Variants in TAFA4 observed in about 807,000 individuals in gnomAD.
TAFA4 encodes TAFA chemokine like family member 4.
TAFA4 carries 20 observed loss-of-function variants against 21.1 expected under a neutral mutation model. The ratio of observed to expected loss-of-function variants is 0.95; its 90% CI spans 0.67 to 1.38. The LOEUF (loss-of-function observed/expected upper bound fraction) is 1.38. TAFA4 is among the 40% of genes most tolerant of loss of function. TAFA4 has a pLI of 0.00. For synonymous variants in TAFA4, 71 were observed against 67.4 expected, an observed-to-expected ratio of 1.05 and a Z score of -0.26; for missense variants, 211 against 180.9, an observed-to-expected ratio of 1.17 and a Z score of -0.95.
chr3:68,901,642 T>C (rs1004536575), intron 1 of TAFA4, among the ~76,000 whole-genome samples: 3 of 152,216 alleles, frequency 2.0e-5, no homozygotes, highest in Non-Finnish European at 4.4e-5. Flanking sequence ...AATATTGTCA[T>C]ATTGGACAGT....
intron 3 of TAFA4, among the ~76,000 whole-genome samples, chr3:68,850,004 T>TA (rs1306262915): frequency 3.9e-5 from 6 of 152,174 alleles, no homozygotes; most frequent in Non-Finnish European, 7.3e-5. Context: ...TATTGAGAAA[T>TA]GATTACCACA....
At chr3:68,892,350 T>G (rs934881088) in intron 1 of TAFA4, among the ~76,000 whole-genome samples, 5 of 152,158 alleles carry the variant, frequency 3.3e-5, no homozygotes, top group African/African-American at 1.2e-4. Context: ...ATTAAAGAAT[T>G]TTATAAATGG....
intron 3 of TAFA4, among the ~76,000 whole-genome samples, chr3:68,868,248 G>C (rs2089442355): frequency 6.6e-6 from 1 of 151,984 alleles, no homozygotes; most frequent in African/African-American, 2.4e-5. Context: ...AAGAGACAAA[G>C]AGGTTCACTA....
chr3:68,837,278 AG>A (rs1486129868), intron 3 of TAFA4, among the ~76,000 whole-genome samples: 1 of 152,224 alleles, frequency 6.6e-6, no homozygotes, highest in African/African-American at 2.4e-5. Context: ...TTGGAACTGC[AG>A]AATCTGAGGC....
At chr3:68,884,221 C>T (rs974969384) in intron 2 of TAFA4, among the ~76,000 whole-genome samples, 3 of 152,208 alleles carry the variant, frequency 2.0e-5, no homozygotes, top group Non-Finnish European at 4.4e-5. Flanking sequence ...GGAGGGCCCT[C>T]TAGGCTGCAT....
chr3:68,920,410 T>C (rs1003755230), intron 1 of TAFA4, among the ~76,000 whole-genome samples: 2 of 152,234 alleles, frequency 1.3e-5, no homozygotes, highest in African/African-American at 4.8e-5. Flanking sequence ...ATGCTTCCTA[T>C]TTCTGTTGAT....
At chr3:68,900,286 T>TAAC (rs1265714515) in intron 1 of TAFA4, among the ~76,000 whole-genome samples, 4 of 28,838 alleles carry the variant, frequency 1.4e-4, no homozygotes, top group South Asian at 3.2e-3. Flanking sequence ...ATAATAACAA[T>TAAC]AATAATAATA....
intron 4 of TAFA4, among the ~76,000 whole-genome samples, chr3:68,750,186 C>T (rs912771826): frequency 4.6e-5 from 7 of 152,126 alleles, no homozygotes; most frequent in African/African-American, 1.7e-4. Context: ...AATCCCCACA[C>T]TTTGGGAGGC....
At chr3:68,872,771 A>G (rs2089498437) in intron 3 of TAFA4, among the ~76,000 whole-genome samples, 1 of 152,172 alleles carries the variant, frequency 6.6e-6, no homozygotes. Context: ...CATGTCACAA[A>G]AATACTTTTA....
intron 4 of TAFA4, among the ~76,000 whole-genome samples, chr3:68,747,488 T>C (rs1300516071): frequency 6.6e-6 from 1 of 152,200 alleles, no homozygotes; most frequent in Non-Finnish European, 1.5e-5. Flanking sequence ...CCTGCTGCCA[T>C]GTAAGACATG....
chr3:68,845,864 G>A (rs11705986), intron 3 of TAFA4, among the ~76,000 whole-genome samples: 48,508 of 152,080 alleles, frequency 0.32, 8,130 homozygotes, highest in Non-Finnish European at 0.37. Flanking sequence ...CTGGATTGTA[G>A]GGTTTCTGCT....
At chr3:68,790,096 C>T (rs1028833790) in intron 3 of TAFA4, among the ~76,000 whole-genome samples, 10 of 151,840 alleles carry the variant, frequency 6.6e-5, no homozygotes, top group Non-Finnish European at 8.8e-5. Context: ...ATAACATTTT[C>T]GAATAGAGTT....
intron 5 of TAFA4, among the ~76,000 whole-genome samples, chr3:68,736,885 GC>G (rs1405965252): frequency 1.3e-5 from 2 of 152,144 alleles, no homozygotes; most frequent in Non-Finnish European, 1.5e-5. Flanking sequence ...TAAAAAAGCA[GC>G]CCAAGTATCA....
At chr3:68,910,305 G>C (rs1237781753) in intron 1 of TAFA4, among the ~76,000 whole-genome samples, 2 of 152,200 alleles carry the variant, frequency 1.3e-5, no homozygotes, top group Non-Finnish European at 2.9e-5. Flanking sequence ...GTATCTGTCT[G>C]TGACAGTGAC....
chr3:68,924,588 C>T (rs1452783921), intron 1 of TAFA4, among the ~76,000 whole-genome samples: 2 of 152,144 alleles, frequency 1.3e-5, no homozygotes, highest in Admixed American at 6.5e-5. Flanking sequence ...ATGTACTTAA[C>T]GCCACTGAAA....
intron 3 of TAFA4, among the ~76,000 whole-genome samples, chr3:68,861,036 C>CA (rs2089335952): frequency 7.6e-6 from 1 of 131,972 alleles, no homozygotes; most frequent in Non-Finnish European, 1.6e-5. Flanking sequence ...ATGCACCCCC[C>CA]CCCCGCCCCC....
rs143842106 is a variant in TAFA4 at position 68,899,647 on chromosome 3, G to A, written c.-122-14337C>T. 3.7e-4 allele frequency among the ~76,000 whole-genome samples: 57 copies of A among 152,156 alleles called. No individual in the cohort carries two copies. In the East Asian group the frequency reaches 8.7e-3, roughly 23 times the overall value. ...CATCAAGGCTTTGTTCAGGCATCAGGGAAACATCCTGGCAGCAAGTATACC... is the reference window on the plus strand; with the variant it reads ...CATCAAGGCTTTGTTCAGGCATCAGAGAAACATCCTGGCAGCAAGTATACC... On this transcript the variant is annotated intron_variant, in intron 1 of 5. Transcript: ENST00000295569.
chr3:68,896,792 G>A (rs1456416245), intron 1 of TAFA4, among the ~76,000 whole-genome samples: 1 of 152,184 alleles, frequency 6.6e-6, no homozygotes, highest in Non-Finnish European at 1.5e-5. Context: ...ACTCCATGTG[G>A]GAGCAAACTA....
chr3:68,903,538 T>G (rs1408640260), intron 1 of TAFA4, among the ~76,000 whole-genome samples: 3 of 152,210 alleles, frequency 2.0e-5, no homozygotes, highest in African/African-American at 7.2e-5. Flanking sequence ...TGTTGTTAAA[T>G]GAATACAGAA....
Sources: allele counts gnomAD v4.1 joint callset (sites outside exome capture counted in the v4.1 genomes callset), GRCh38; gene constraint gnomAD v4.1.1; transcripts MANE v1.5; gene names NCBI Gene and HGNC (gene_info 2026-07-23, HGNC 2026-07-21).